STK25: variants seen among roughly 807,000 people sequenced by gnomAD.
STK25 encodes serine/threonine kinase 25.
In STK25, 29 loss-of-function variants were observed where a neutral mutation model predicts 53.8. The observed-to-expected ratio is 0.54, with a 90% CI of 0.40 to 0.74. The LOEUF (loss-of-function observed/expected upper bound fraction) is 0.74. STK25 is among the 30% of genes least tolerant of loss of function. STK25 has a pLI of 0.00. For synonymous variants in STK25, 247 were observed against 238.3 expected (o/e 1.04, Z -0.33); for missense variants, 420 against 568.0 (o/e 0.74, Z 2.65).
chr2:241,497,779 C>CA, intron 9 of STK25, 92 bp from the exon 10 acceptor site: 1 of 1,331,442 alleles, frequency 7.5e-7, no homozygotes, highest in Non-Finnish European at 1.1e-6. Flanking sequence ...CTTGAAGAGA[C>CA]AGAGGCTGGG....
intron 9 of STK25, among the ~76,000 whole-genome samples, 169 bp from the exon 10 acceptor site, chr2:241,497,856 T>C (rs771935019): frequency 3.3e-5 from 5 of 150,334 alleles, no homozygotes; most frequent in Non-Finnish European, 7.4e-5. Flanking sequence ...ATGGCCTGAC[T>C]CTGAGGGCGA....
rs775725677 is a variant in STK25, at chr2:241,498,270, G to A, written c.997C>T (p.Leu333Phe). The A allele has an allele frequency of 1.9e-6, 3 of 1,612,164 alleles. No homozygotes were observed. Among genetic ancestry groups the A allele is most frequent in the Middle Eastern group, 1.7e-4 (1 of 6,046 alleles). The change falls in exon 9 of 12, where the codon CTT (leucine) becomes TTT (phenylalanine). Residue 333 changes from leucine to phenylalanine, a missense_variant. Coordinates refer to ENST00000316586, the MANE Select transcript of STK25 (RefSeq NM_001271977.2). ...PTIRPSPHSK[L>F]HKGTALHSSQ... is the part of the protein sequence containing the mutation. ...CTGTGCAGGGCCGTCCCCTTGTGAA[G>A]CTTGCTGTGTGGACTCGGCCGGATG...
chr2:241,499,842 GCT>G (rs1174972429), intron 5 of STK25: 8 of 465,612 alleles, frequency 1.7e-5, no homozygotes, highest in Non-Finnish European at 3.2e-5. Flanking sequence ...CCTCCCGTCT[GCT>G]CTCAGCAGGG....
rs908367399 is a variant in STK25, at chr2:241,496,604, G to A, written c.1105-70C>T. 13 of 1,550,074 alleles carry A rather than the reference G, an allele frequency of 8.4e-6. No homozygotes were observed. Among genetic ancestry groups the A allele is most frequent in the African/African-American group, 2.7e-5 (2 of 73,504 alleles). ...CTTCAGGGAGCCTGCTCCTTTGCTC[G>A]GCCACAGTGATGCCGGAGGCCTTCA... On this transcript the variant is annotated intron_variant, in intron 10 of 11. Transcript: ENST00000316586. The surrounding 1 kb of genome is among the most constrained non-coding windows in gnomAD (Gnocchi z 5.8).
Position 241,495,185 on chromosome 2 carries a change from A to C in STK25, c.*477T>G, listed in dbSNP as rs2065078218. 6.3e-6 allele frequency: 1 copy of C among 159,690 alleles called. No individual in the cohort carries two copies. Among genetic ancestry groups the C allele is most frequent in the African/African-American group, 2.4e-5 (1 of 41,760 alleles). 9.9% of individuals were successfully genotyped at this position (159,690 alleles called of 1,614,324 possible). ...ATGAGCAGACACAGTACCTGATCCAACACCACAAGGCAAATCTATGGCCAT... is the reference window on the plus strand; with the variant it reads ...ATGAGCAGACACAGTACCTGATCCACCACCACAAGGCAAATCTATGGCCAT... On this transcript the variant is annotated 3_prime_UTR_variant, in exon 12 of 12. Transcript: ENST00000316586.
At chr2:241,508,409 T>C in intron 1 of STK25, 34 bp downstream of exon 1, 1 of 656,666 alleles carries the variant, frequency 1.5e-6, no homozygotes, top group Non-Finnish European at 2.0e-6. Context: ...CCCTCCCCAA[T>C]CGCCGCAAGC....
In STK25 at chr2:241,496,475, G is replaced by A. The variant is rs113126397; in HGVS notation, c.1164C>T (p.Asn388=). The A allele has an allele frequency of 3.0e-5, 48 of 1,613,440 alleles. No homozygotes were observed. Among genetic ancestry groups the A allele is most frequent in the Middle Eastern group, 1.6e-4 (1 of 6,068 alleles). ...AGGACTCCTCGGCCAGGCTGAAGGC[G>A]TTCTCCAGCTCCTCCAGCGCACCCA... The part of the protein sequence containing the change: ...GSVGALEELE[N]AFSLAEESCP... Residue 388 remains asparagine, a synonymous_variant, in exon 11 of 12, where the codon AAC becomes AAT. Transcript: ENST00000316586. This position sits in a 1 kb window ranked among gnomAD's most constrained non-coding sequence, Gnocchi z 5.8.
In STK25 at chr2:241,492,859, G is replaced by A. The variant is rs1471012586; in HGVS notation, c.*2803C>T. ...AAAGCATGCAGAGGCTTAGTCTTGG[G>A]GAGCAAACCCACTCCCACAAGGGGT... On this transcript the variant is annotated 3_prime_UTR_variant, in exon 12 of 12. Coordinates refer to ENST00000316586, the MANE Select transcript of STK25 (RefSeq NM_001271977.2). The A allele has an allele frequency of 2.3e-6, 2 of 877,752 alleles. No homozygotes were observed. The highest frequency in any genetic ancestry group is 3.8e-6 in the Non-Finnish European group (2 of 520,030). The allele number at this position is 877,752 out of a possible 1,614,324, so 54.4% of individuals were successfully genotyped here. A position where few individuals can be genotyped will look rare whatever the true frequency, so the allele number is the denominator to read the frequency against.
chr2:241,495,620 A>C lies in STK25; in HGVS notation c.*42T>G. The C allele has an allele frequency of 6.2e-7, 1 of 1,612,896 alleles. No individual in the cohort carries two copies. Among genetic ancestry groups the C allele is most frequent in the Non-Finnish European group, 8.5e-7 (1 of 1,178,882 alleles). On this transcript the variant is annotated 3_prime_UTR_variant, in exon 12 of 12. Transcript: ENST00000316586. ...ACAGTTCTTATGGAGCTCAGAACAAAAACAAACGACCTTCCGTCCCCTATC... is the reference window on the plus strand; with the variant it reads ...ACAGTTCTTATGGAGCTCAGAACAACAACAAACGACCTTCCGTCCCCTATC...
chr2:241,493,828 C>A lies in STK25; in HGVS notation c.*1834G>T. 1.9e-6 allele frequency: 1 copy of A among 532,490 alleles called. No homozygotes were observed. The highest frequency in any genetic ancestry group is 3.4e-6 in the Non-Finnish European group (1 of 296,494). 33.0% of individuals were successfully genotyped at this position (532,490 alleles called of 1,614,324 possible). On this transcript the variant is annotated 3_prime_UTR_variant, in exon 12 of 12. Coordinates refer to ENST00000316586, the MANE Select transcript of STK25 (RefSeq NM_001271977.2). ...GCCAGGCTGGTCTCGAACTCCTGAC[C>A]TCAAGTGATCCATCTGCCTCAGCCT...
chr2:241,496,478 C>T lies in STK25; in HGVS notation c.1161G>A (p.Glu387=). 3 of 1,613,584 alleles carry T rather than the reference C, an allele frequency of 1.9e-6. No individual in the cohort carries two copies. The highest frequency in any genetic ancestry group is 2.5e-6 in the Non-Finnish European group (3 of 1,179,952). ...GGSVGALEEL[E]NAFSLAEESC... Reference sequence around the variant, plus strand: ...ACTCCTCGGCCAGGCTGAAGGCGTTCTCCAGCTCCTCCAGCGCACCCACGC... The same window carrying T: ...ACTCCTCGGCCAGGCTGAAGGCGTTTTCCAGCTCCTCCAGCGCACCCACGC... Residue 387 remains glutamate (E), a synonymous_variant, in exon 11 of 12, where the codon GAG becomes GAA. Coordinates refer to ENST00000316586, the MANE Select transcript of STK25 (RefSeq NM_001271977.2). The surrounding 1 kb of genome is among the most constrained non-coding windows in gnomAD (Gnocchi z 5.8).
rs970771459 is a variant in STK25 at position 241,493,575 on chromosome 2, T to G, written c.*2087A>C. On this transcript the variant is annotated 3_prime_UTR_variant, in exon 12 of 12. Coordinates refer to ENST00000316586, the MANE Select transcript of STK25 (RefSeq NM_001271977.2). ...AAGGGCTGAGCAATGCTTCCAGCAT[T>G]TCCAAAAAACAGCAATGCTTTGTTT... The G allele has an allele frequency of 2.5e-6, 2 of 795,344 alleles. No individual in the cohort carries two copies. Among genetic ancestry groups the G allele is most frequent in the African/African-American group, 3.5e-5 (2 of 57,516 alleles). 49.3% of individuals were successfully genotyped at this position (795,344 alleles called of 1,614,324 possible). A position where few individuals can be genotyped will look rare whatever the true frequency, so the allele number is the denominator to read the frequency against.
At position 241,496,720 on chromosome 2, in the gene STK25, G is replaced by A. The variant is rs952116392; in HGVS notation, c.1105-186C>T. ...AAGCCTCTGCCCCTGCCCTGCCAACGGGGACCCTAGTGGTCCTTCCCCACA... is the reference window on the plus strand; with the variant it reads ...AAGCCTCTGCCCCTGCCCTGCCAACAGGGACCCTAGTGGTCCTTCCCCACA... On this transcript the variant is annotated intron_variant, in intron 10 of 11. Transcript: ENST00000316586. The surrounding 1 kb of genome is among the most constrained non-coding windows in gnomAD (Gnocchi z 5.8). 3.3e-5 allele frequency among the ~76,000 whole-genome samples: 5 copies of A among 151,948 alleles called. No homozygotes were observed. Among genetic ancestry groups the A allele is most frequent in the South Asian group, 2.1e-4 (1 of 4,814 alleles).
chr2:241,497,997 G>A (rs1283677638), intron 9 of STK25, among the ~76,000 whole-genome samples: 1 of 151,474 alleles, frequency 6.6e-6, no homozygotes, highest in African/African-American at 2.4e-5. Context: ...GAGGGCCTGT[G>A]ACTCCCACCC....
rs112803069 is a variant in STK25, at chr2:241,505,083, A to AT, written c.30+2922dup. 2.5e-3 allele frequency among the ~76,000 whole-genome samples: 363 copies of AT among 144,414 alleles called. 2 individuals carry two copies. Among genetic ancestry groups the AT allele is most frequent in the African/African-American group, 5.9e-3 (232 of 39,060 alleles). 94.7% of individuals were successfully genotyped at this position (144,414 alleles called of 152,430 possible). A position where few individuals can be genotyped will look rare whatever the true frequency, so the allele number is the denominator to read the frequency against. Reference sequence around the variant, plus strand: ...AGGCACCCGCCATCATGCCCCGTTAATTTTTTTTTTTTTTGAATTTTTGTA... The same window carrying AT: ...AGGCACCCGCCATCATGCCCCGTTAATTTTTTTTTTTTTTTGAATTTTTGTA... On this transcript the variant is annotated intron_variant, in intron 2 of 11. Coordinates refer to ENST00000316586, the MANE Select transcript of STK25 (RefSeq NM_001271977.2).
chr2:241,494,043 C>T lies in STK25; in HGVS notation c.*1619G>A. On this transcript the variant is annotated 3_prime_UTR_variant, in exon 12 of 12. Coordinates refer to ENST00000316586, the MANE Select transcript of STK25 (RefSeq NM_001271977.2). This position sits in a 1 kb window ranked among gnomAD's most constrained non-coding sequence, Gnocchi z 4.9. The stretch of plus-strand genomic sequence containing the variant: ...GTGATCCAGGGGGCCAGCAGCTCAG[C>T]CGGGAGGGCCCCAAGCATCGTGCAG... 2 of 1,415,070 alleles carry T rather than the reference C, an allele frequency of 1.4e-6. No individual in the cohort carries two copies. The highest frequency in any genetic ancestry group is 1.8e-6 in the Non-Finnish European group (2 of 1,083,574). 87.7% of individuals were successfully genotyped at this position (1,415,070 alleles called of 1,614,324 possible).
chr2:241,508,656 C>T (rs2066006135), upstream of STK25: 1 of 986,196 alleles, frequency 1.0e-6, no homozygotes, highest in African/African-American at 1.7e-5. Flanking sequence ...CGAGTCCCAC[C>T]GCCCACTCCG....
rs2065152916 is a variant in STK25 at position 241,496,314 on chromosome 2, C to T, written c.1241+84G>A. On this transcript the variant is annotated intron_variant, in intron 11 of 11. Transcript: ENST00000316586. The surrounding 1 kb of genome is among the most constrained non-coding windows in gnomAD (Gnocchi z 5.8). ...CATGTAGTGCCAAATGCAGCCACAC[C>T]CACGAGTGAGCACTGGACCTCACCC... 1.3e-6 allele frequency: 2 copies of T among 1,517,372 alleles called. No homozygotes were observed. The highest frequency in any genetic ancestry group is 1.8e-6 in the Non-Finnish European group (2 of 1,116,404). The allele number at this position is 1,517,372 out of a possible 1,614,324, so 94.0% of individuals were successfully genotyped here. A position where few individuals can be genotyped will look rare whatever the true frequency, so the allele number is the denominator to read the frequency against.
rs370479143 is a variant in STK25, at chr2:241,500,779, G to A, written c.279C>T (p.Ile93=). 2 of 1,613,812 alleles carry A rather than the reference G, an allele frequency of 1.2e-6. No homozygotes were observed. The highest frequency in any genetic ancestry group is 1.7e-6 in the Non-Finnish European group (2 of 1,179,922). ...GSYLKSTKLW[I]IMEYLGGGSA... ...AGCCGCCGCCCAGGTACTCCATGATGATCCATAGCTTGGTGCTCTGGGACC... is the reference window on the plus strand; with the variant it reads ...AGCCGCCGCCCAGGTACTCCATGATAATCCATAGCTTGGTGCTCTGGGACC... The change falls in exon 4 of 12, where the codon ATC becomes ATT. Residue 93 remains isoleucine, a synonymous_variant. Transcript: ENST00000316586.
Sources: allele counts gnomAD v4.1 joint callset (sites outside exome capture counted in the v4.1 genomes callset), GRCh38; gene constraint gnomAD v4.1.1; non-coding constraint Gnocchi (gnomAD v3.1); transcripts MANE v1.5; gene names NCBI Gene and HGNC (gene_info 2026-07-23, HGNC 2026-07-21).